CDH12: variants seen among roughly 807,000 people sequenced by gnomAD.
The protein encoded by CDH12 is cadherin 12.
CDH12 carries 41 observed loss-of-function variants against 74.1 expected under a neutral mutation model. That is an observed-to-expected ratio of 0.55 (90% CI 0.43 to 0.72). The LOEUF is 0.72. Among genes scored for constraint, CDH12 ranks in the 30% least tolerant of loss-of-function variants. CDH12 has a pLI of 0.00. For missense variants in CDH12, 945 were observed against 977.2 expected (o/e 0.97, Z 0.44); for synonymous variants, 399 against 355.0 (o/e 1.12, Z -1.39).
intron 1 of CDH12, among the ~76,000 whole-genome samples, chr5:22,509,446 A>G (rs1736515216): frequency 6.6e-6 from 1 of 152,216 alleles, no homozygotes; most frequent in Non-Finnish European, 1.5e-5. Context: ...TTTCAGTGAC[A>G]TTAACTTTCA....
intron 1 of CDH12, among the ~76,000 whole-genome samples, chr5:22,768,333 C>G (rs1452537659): frequency 6.6e-6 from 1 of 152,042 alleles, no homozygotes; most frequent in Non-Finnish European, 1.5e-5. Flanking sequence ...ATATAACTGA[C>G]TTTGCATTGA....
chr5:21,880,514 C>T (rs1346109159), intron 6 of CDH12, among the ~76,000 whole-genome samples: 1 of 118,156 alleles, frequency 8.5e-6, no homozygotes, highest in Admixed American at 8.6e-5. Context: ...TCCCTCCCTC[C>T]CTCTTTTCTT....
Position 21,760,693 on chromosome 5 carries a change from T to G in CDH12, c.1516-18A>C, listed in dbSNP as rs747743702. On this transcript the variant is annotated intron_variant, in intron 12 of 14. Transcript: ENST00000382254. ...TGAATTATCTGCAACAGAGTTGAGA[T>G]TAAAGTCGGTCATCAGTTTCAAAGA... 7.0e-7 allele frequency: 1 copy of G among 1,421,860 alleles called. No homozygotes were observed. Among genetic ancestry groups the G allele is most frequent in the African/African-American group, 1.4e-5 (1 of 71,274 alleles). The allele number at this position is 1,421,860 out of a possible 1,614,324, so 88.1% of individuals were successfully genotyped here.
chr5:22,494,884 C>A (rs1226948777), intron 2 of CDH12, among the ~76,000 whole-genome samples: 1 of 152,134 alleles, frequency 6.6e-6, no homozygotes, highest in Non-Finnish European at 1.5e-5. Context: ...TGTAGTGATA[C>A]CCCGGATACA....
intron 1 of CDH12, among the ~76,000 whole-genome samples, chr5:22,646,651 A>C (rs2126877983): frequency 6.6e-6 from 1 of 152,086 alleles, no homozygotes; most frequent in African/African-American, 2.4e-5. Flanking sequence ...ATTATAGATA[A>C]AAACAACAAC....
chr5:22,433,950 C>A (rs920396470), intron 2 of CDH12, among the ~76,000 whole-genome samples: 2 of 152,158 alleles, frequency 1.3e-5, no homozygotes, highest in Non-Finnish European at 2.9e-5. Flanking sequence ...GTTAAGGAAC[C>A]TATTTCCCCT....
chr5:22,623,380 G>A (rs1738084783), intron 1 of CDH12, among the ~76,000 whole-genome samples: 1 of 152,204 alleles, frequency 6.6e-6, no homozygotes, highest in African/African-American at 2.4e-5. Context: ...AATTGTCCCT[G>A]TTTGCAGATG....
chr5:21,791,105 C>A (rs1373098383), intron 10 of CDH12, among the ~76,000 whole-genome samples: 2 of 152,060 alleles, frequency 1.3e-5, no homozygotes, highest in African/African-American at 2.4e-5. Context: ...AGCTAAGCAT[C>A]TTCAACATCT....
chr5:22,546,988 G>A (rs185844565), intron 1 of CDH12, among the ~76,000 whole-genome samples: 14 of 152,258 alleles, frequency 9.2e-5, no homozygotes, highest in African/African-American at 2.6e-4. Flanking sequence ...TGGAAAATGC[G>A]ATTGTAAAGT....
At chr5:21,992,075 G>A (rs1293567132) in intron 5 of CDH12, among the ~76,000 whole-genome samples, 1 of 151,972 alleles carries the variant, frequency 6.6e-6, no homozygotes, top group Non-Finnish European at 1.5e-5. Context: ...GTTAGTGAGA[G>A]ATCATTTTTT....
intron 3 of CDH12, among the ~76,000 whole-genome samples, chr5:22,381,044 AAAC>A (rs1403950962): frequency 6.6e-6 from 1 of 152,126 alleles, no homozygotes; most frequent in Non-Finnish European, 1.5e-5. Flanking sequence ...ATAATAAAGA[AAAC>A]AAATTACGAC....
intron 5 of CDH12, among the ~76,000 whole-genome samples, chr5:21,982,197 A>G (rs555555627): frequency 6.6e-6 from 1 of 152,244 alleles, no homozygotes; most frequent in Non-Finnish European, 1.5e-5. Context: ...CAAAAAGCCA[A>G]ACCCCTCCGT....
At chr5:22,531,587 T>G (rs1459759188) in intron 1 of CDH12, among the ~76,000 whole-genome samples, 1 of 152,194 alleles carries the variant, frequency 6.6e-6, no homozygotes, top group East Asian at 1.9e-4. Context: ...ATAAGTATTC[T>G]AATGTATAAC....
chr5:22,058,881 G>T (rs1740956791), intron 5 of CDH12, among the ~76,000 whole-genome samples: 1 of 152,024 alleles, frequency 6.6e-6, no homozygotes, highest in Non-Finnish European at 1.5e-5. Context: ...ATTTTTGACT[G>T]TAGTTTTAAA....
At chr5:22,354,450 T>C (rs1261678322) in intron 3 of CDH12, among the ~76,000 whole-genome samples, 1 of 152,098 alleles carries the variant, frequency 6.6e-6, no homozygotes, top group Non-Finnish European at 1.5e-5. Flanking sequence ...AACACCCAAA[T>C]AGAAGATACA....
rs377637178 is a variant in CDH12 at position 22,707,291 on chromosome 5, C to T, written c.-523+145767G>A. Among the ~76,000 whole-genome samples the T allele has an allele frequency of 2.7e-3, 417 of 152,150 alleles. 13 individuals are homozygous for T. The South Asian group carries it at 0.079, about 29-fold the overall frequency. On this transcript the variant is annotated intron_variant, in intron 1 of 14. Transcript: ENST00000382254. ...TGTAATCATTTGTGCAAATTAAATCCGTCTTTGTAAATTTTTCTGGGAAAT... is the reference window on the plus strand; with the variant it reads ...TGTAATCATTTGTGCAAATTAAATCTGTCTTTGTAAATTTTTCTGGGAAAT...
At chr5:21,916,552 T>C (rs1049828488) in intron 6 of CDH12, among the ~76,000 whole-genome samples, 1 of 152,094 alleles carries the variant, frequency 6.6e-6, no homozygotes, top group Non-Finnish European at 1.5e-5. Context: ...GGAAGCCAGC[T>C]TTGGGAAAGG....
intron 1 of CDH12, among the ~76,000 whole-genome samples, chr5:22,511,933 TTGTGTG>T (rs3039486): frequency 4.0e-5 from 6 of 149,216 alleles, no homozygotes; most frequent in Non-Finnish European, 6.0e-5. Context: ...GTAACTATGA[TTGTGTG>T]TGTGTGTGTG....
At chr5:21,796,258 G>A (rs890044842) in intron 10 of CDH12, among the ~76,000 whole-genome samples, 2 of 152,016 alleles carry the variant, frequency 1.3e-5, no homozygotes, top group African/African-American at 4.8e-5. Flanking sequence ...GCTTAGCCTA[G>A]TCTACCTTAA....
Sources: allele counts gnomAD v4.1 joint callset (sites outside exome capture counted in the v4.1 genomes callset), GRCh38; gene constraint gnomAD v4.1.1; transcripts MANE v1.5; gene names NCBI Gene and HGNC (gene_info 2026-07-23, HGNC 2026-07-21).